PTPRN2: variants seen among roughly 807,000 people sequenced by gnomAD.
PTPRN2 encodes the protein receptor-type tyrosine-protein phosphatase N2.
In PTPRN2, 74 loss-of-function variants were observed where a neutral mutation model predicts 118.8. That is an observed-to-expected ratio of 0.62 (90% CI 0.52 to 0.76). The LOEUF (loss-of-function observed/expected upper bound fraction) is 0.76. Ranked by LOEUF, PTPRN2 falls within the 30% of genes least tolerant of loss-of-function variation. The probability of loss-of-function intolerance (pLI) is 0.00; values close to 1 mark genes in which losing one functional copy is unlikely to be tolerated. For missense variants in PTPRN2, 1,481 were observed against 1,394.4 expected, an observed-to-expected ratio of 1.06 and a Z score of -0.99; for synonymous variants, 641 against 608.0, an observed-to-expected ratio of 1.05 and a Z score of -0.80.
chr7:157,882,343 CTGT>C (rs1054769672), intron 12 of PTPRN2, among the ~76,000 whole-genome samples: 1 of 150,568 alleles, frequency 6.6e-6, no homozygotes, highest in Non-Finnish European at 1.5e-5. Context: ...CCAAAAATGA[CTGT>C]TGGAGAACAG....
At chr7:157,644,524 G>A (rs544556333) in intron 14 of PTPRN2, among the ~76,000 whole-genome samples, 6 of 152,278 alleles carry the variant, frequency 3.9e-5, no homozygotes, top group South Asian at 2.1e-4. Context: ...CTGGCTGGGC[G>A]CGGTGGCTCA....
In PTPRN2 at chr7:158,411,701, C is replaced by A. The variant is rs567206917; in HGVS notation, c.163+78034G>T. Among the ~76,000 whole-genome samples the A allele has an allele frequency of 4.9e-4, 75 of 152,336 alleles. 2 individuals are homozygous for A. In the South Asian group the frequency reaches 0.015, roughly 31 times the overall value. ...AACCAACGCCAATGGAGGTGGAAGG[C>A]GCCGCCCCGCGGCACTCACACCCGC... On this transcript the variant is annotated intron_variant, in intron 2 of 22. Coordinates refer to ENST00000389418, the MANE Select transcript of PTPRN2 (RefSeq NM_002847.5).
At chr7:157,979,207 TAGAAAAAAAA>T (rs536754993) in intron 11 of PTPRN2, among the ~76,000 whole-genome samples, 1 of 149,992 alleles carries the variant, frequency 6.7e-6, no homozygotes, top group East Asian at 1.9e-4. Context: ...GCTGAATGGA[TAGAAAAAAAA>T]AGAAAAATGT....
intron 3 of PTPRN2, among the ~76,000 whole-genome samples, chr7:158,276,162 C>T (rs1798948019): frequency 6.6e-6 from 1 of 152,098 alleles, no homozygotes; most frequent in South Asian, 2.1e-4. Flanking sequence ...GTCCCTTGTC[C>T]ACCTGGAAAG....
intron 12 of PTPRN2, among the ~76,000 whole-genome samples, chr7:157,848,763 C>T (rs554701603): frequency 6.6e-6 from 1 of 152,362 alleles, no homozygotes; most frequent in South Asian, 2.1e-4. Flanking sequence ...GGCAGGTCGT[C>T]CACAGGAACG....
At chr7:158,280,241 G>A (rs1799328232) in intron 3 of PTPRN2, among the ~76,000 whole-genome samples, 1 of 152,230 alleles carries the variant, frequency 6.6e-6, no homozygotes, top group South Asian at 2.1e-4. Flanking sequence ...GGCCCAATCG[G>A]AAAGCAGGTC....
chr7:157,571,940 C>G (rs1799780214), intron 19 of PTPRN2, among the ~76,000 whole-genome samples: 1 of 152,198 alleles, frequency 6.6e-6, no homozygotes, highest in African/African-American at 2.4e-5. Context: ...TATTTCCATA[C>G]TGTCTAAAAA....
At chr7:158,540,050 C>G (rs1302381766) in intron 1 of PTPRN2, among the ~76,000 whole-genome samples, 3 of 152,156 alleles carry the variant, frequency 2.0e-5, no homozygotes, top group African/African-American at 7.2e-5. Flanking sequence ...GGAGCTGGGA[C>G]TGGCTGGGAC....
In PTPRN2 at chr7:157,976,517, C is replaced by T. The variant is rs144265363; in HGVS notation, c.1724-77780G>A. ...AGTTCCCAGGTTCTCGCCCACTCTG[C>T]CCAGCACCTTACTGGAGCCTCCACC... On this transcript the variant is annotated intron_variant, in intron 11 of 22. Transcript: ENST00000389418. 6.0e-3 allele frequency among the ~76,000 whole-genome samples: 919 copies of T among 152,058 alleles called. 19 individuals carry two copies. Among genetic ancestry groups the T allele is most frequent in the Middle Eastern group, 0.024 (7 of 294 alleles).
At chr7:157,684,834 G>A (rs910913087) in intron 12 of PTPRN2, among the ~76,000 whole-genome samples, 1 of 151,958 alleles carries the variant, frequency 6.6e-6, no homozygotes, top group East Asian at 1.9e-4. Flanking sequence ...CGGGTGGGCG[G>A]CAGCCCCGCC....
At position 157,571,507 on chromosome 7, in the gene PTPRN2, A is replaced by G. The variant is rs867821137; in HGVS notation, c.2784-14T>C. 2 of 1,593,850 alleles carry G rather than the reference A, an allele frequency of 1.3e-6. No homozygotes were observed. Among genetic ancestry groups the G allele is most frequent in the African/African-American group, 1.3e-5 (1 of 74,340 alleles). On this transcript the variant is annotated splice_polypyrimidine_tract_variant and intron_variant, in intron 19 of 22. Transcript: ENST00000389418. ...TTGTTTACTTTTCTGAAATAAAAAG[A>G]GATATAAAAATTATCGTTGTGTACT...
At chr7:157,783,252 C>T (rs1007357292) in intron 12 of PTPRN2, among the ~76,000 whole-genome samples, 3 of 152,004 alleles carry the variant, frequency 2.0e-5, no homozygotes, top group Non-Finnish European at 2.9e-5. Context: ...TTATTAGCAG[C>T]GTGAGAACAG....
intron 21 of PTPRN2, among the ~76,000 whole-genome samples, chr7:157,567,568 G>A (rs1799550943): frequency 6.6e-6 from 1 of 152,096 alleles, no homozygotes; most frequent in Non-Finnish European, 1.5e-5. Context: ...AATGAAGTAA[G>A]GAAAATGCTT....
chr7:157,971,208 G>C (rs150623019), intron 11 of PTPRN2, among the ~76,000 whole-genome samples: 1 of 152,230 alleles, frequency 6.6e-6, no homozygotes, highest in East Asian at 1.9e-4. Flanking sequence ...ATTTGTACTT[G>C]TACTGAATAT....
intron 9 of PTPRN2, 66 bp from the exon 10 acceptor site, chr7:158,110,981 C>T (rs1816208739): frequency 1.4e-6 from 2 of 1,391,090 alleles, no homozygotes; most frequent in East Asian, 5.0e-5. Flanking sequence ...AACTAAAGCC[C>T]TGTGGCCCCA....
chr7:158,467,451 A>G (rs1226321314), intron 2 of PTPRN2, among the ~76,000 whole-genome samples: 1 of 152,006 alleles, frequency 6.6e-6, no homozygotes, highest in Admixed American at 6.5e-5. Context: ...GCAGCTTTTC[A>G]GTTTGATATA....
At position 157,540,460 on chromosome 7, in the gene PTPRN2, T is replaced by C; in HGVS notation, c.*254A>G. ...GGTGAACGGGTGCTTTAAGAAAAAG[T>C]ATTTTTTTTAAGCAAGTGAAAATTG... On this transcript the variant is annotated 3_prime_UTR_variant, in exon 23 of 23. Coordinates refer to ENST00000389418, the MANE Select transcript of PTPRN2 (RefSeq NM_002847.5). 2.6e-6 allele frequency: 1 copy of C among 391,134 alleles called. No homozygotes were observed. Among genetic ancestry groups the C allele is most frequent in the Non-Finnish European group, 4.6e-6 (1 of 218,974 alleles). 24.2% of individuals were successfully genotyped at this position (391,134 alleles called of 1,614,324 possible).
rs768938717 is a variant in PTPRN2, at chr7:158,362,244, G to A, written c.164-45312C>T. 1.4e-4 allele frequency among the ~76,000 whole-genome samples: 22 copies of A among 152,310 alleles called. 1 individual carries two copies. The highest frequency in any genetic ancestry group is 5.8e-4 in the East Asian group (3 of 5,184). ...GAGGCAGAAGAGGCCGCCCCTGCCC[G>A]CCCGGCCTCAGCCTGGTGTCTCCCA... On this transcript the variant is annotated intron_variant, in intron 2 of 22. Coordinates refer to ENST00000389418, the MANE Select transcript of PTPRN2 (RefSeq NM_002847.5).
chr7:157,752,622 A>G (rs1453299257), intron 12 of PTPRN2, among the ~76,000 whole-genome samples: 1 of 152,130 alleles, frequency 6.6e-6, no homozygotes, highest in Non-Finnish European at 1.5e-5. Flanking sequence ...CCCAGCCACA[A>G]GCTCCCACCT....
Sources: allele counts gnomAD v4.1 joint callset (sites outside exome capture counted in the v4.1 genomes callset), GRCh38; gene constraint gnomAD v4.1.1; transcripts MANE v1.5; gene names NCBI Gene and HGNC (gene_info 2026-07-23, HGNC 2026-07-21).